The following ARHGEF12 variants were observed in gnomAD, a reference collection of about 807,000 sequenced individuals.
ARHGEF12 encodes the protein Rho guanine nucleotide exchange factor 12.
In ARHGEF12, 66 loss-of-function variants were observed where a neutral mutation model predicts 211.2. The ratio of observed to expected loss-of-function variants is 0.31; its 90% CI spans 0.26 to 0.38. The LOEUF (loss-of-function observed/expected upper bound fraction) is 0.38, where lower values mean the gene tolerates loss of function less well. Among genes scored for constraint, ARHGEF12 ranks in the 10% least tolerant of loss-of-function variants. ARHGEF12 has a pLI of 1.00. For missense variants in ARHGEF12, 1,429 were observed against 1,869.5 expected, an observed-to-expected ratio of 0.76 and a Z score of 4.34; for synonymous variants, 592 against 638.4, an observed-to-expected ratio of 0.93 and a Z score of 1.09.
In ARHGEF12 at chr11:120,457,754, AAAGT is replaced by A; in HGVS notation, c.2225+5_2225+8del. The A allele has an allele frequency of 6.2e-7, 1 of 1,608,790 alleles. No homozygotes were observed. Among genetic ancestry groups the A allele is most frequent in the Non-Finnish European group, 8.5e-7 (1 of 1,177,732 alleles). The stretch of plus-strand genomic sequence containing the variant: ...AACATGGGACACCAAAGCCCTTTCG[AAAGT>A]AAGTAAATCTTAAGCAGCTTTCAAT... On this transcript the variant is annotated splice_donor_variant and coding_sequence_variant, in exon 24 of 41. Transcript: ENST00000397843. LOFTEE classifies it high-confidence loss of function.
chr11:120,445,637 G>A (rs1427532835), intron 16 of ARHGEF12, among the ~76,000 whole-genome samples, 173 bp downstream of exon 16: 1 of 152,170 alleles, frequency 6.6e-6, no homozygotes, highest in Non-Finnish European at 1.5e-5. Context: ...AGTGGCTCAC[G>A]CCTGTAATCC....
chr11:120,469,170 A>G (rs1325674327), intron 29 of ARHGEF12, 118 bp from the exon 30 acceptor site: 4 of 762,552 alleles, frequency 5.2e-6, no homozygotes, highest in Non-Finnish European at 8.2e-6. Flanking sequence ...TGGTACAAAA[A>G]TCTTCAAGGT....
chr11:120,403,792 G>T (rs10892570), intron 1 of ARHGEF12, among the ~76,000 whole-genome samples: 70,569 of 151,988 alleles, frequency 0.46, 17,348 homozygotes, highest in African/African-American at 0.63. Flanking sequence ...ACATAATATC[G>T]ATCCAAAAGA....
At chr11:120,346,303 T>A (rs1396019566) in intron 1 of ARHGEF12, among the ~76,000 whole-genome samples, 1 of 152,246 alleles carries the variant, frequency 6.6e-6, no homozygotes, top group East Asian at 1.9e-4. Flanking sequence ...CAGCTGTGGA[T>A]TGACTGCAGC....
chr11:120,363,106 TA>T (rs1297928171), intron 1 of ARHGEF12, among the ~76,000 whole-genome samples: 2 of 151,480 alleles, frequency 1.3e-5, no homozygotes, highest in African/African-American at 4.8e-5. Flanking sequence ...TCTCAAAAAA[TA>T]AAAAAAGAAA....
intron 40 of ARHGEF12, 85 bp from the exon 41 acceptor site, chr11:120,484,982 C>T (rs1195150182): frequency 1.0e-5 from 14 of 1,404,782 alleles, no homozygotes; most frequent in East Asian, 2.4e-5. Flanking sequence ...GATTGAACCA[C>T]GCCCACAGAT....
intron 30 of ARHGEF12, among the ~76,000 whole-genome samples, chr11:120,472,660 A>G (rs1946902268): frequency 6.8e-6 from 1 of 146,082 alleles, no homozygotes; most frequent in South Asian, 2.2e-4. Context: ...TAAAATGGAG[A>G]TTTTTTTTTT....
At chr11:120,361,535 A>G (rs1479396941) in intron 1 of ARHGEF12, among the ~76,000 whole-genome samples, 1 of 152,218 alleles carries the variant, frequency 6.6e-6, no homozygotes, top group Non-Finnish European at 1.5e-5. Flanking sequence ...ACATCTGGAA[A>G]TGGAGAAGGG....
At chr11:120,472,574 T>C (rs1395065644) in intron 30 of ARHGEF12, among the ~76,000 whole-genome samples, 13 of 152,042 alleles carry the variant, frequency 8.6e-5, no homozygotes, top group Non-Finnish European at 1.9e-4. Flanking sequence ...GGAGGAAAAC[T>C]AGGAGAGTAT....
intron 1 of ARHGEF12, among the ~76,000 whole-genome samples, chr11:120,402,669 C>A (rs972158545): frequency 1.3e-5 from 2 of 152,056 alleles, no homozygotes; most frequent in African/African-American, 4.8e-5. Context: ...ATCTAACACC[C>A]TAGAGGAGAG....
At chr11:120,434,714 T>C (rs1257425384) in intron 11 of ARHGEF12, among the ~76,000 whole-genome samples, 1 of 152,202 alleles carries the variant, frequency 6.6e-6, no homozygotes, top group Non-Finnish European at 1.5e-5. Flanking sequence ...TGATACCCAG[T>C]TCTCACAAGA....
intron 12 of ARHGEF12, among the ~76,000 whole-genome samples, chr11:120,437,678 C>T (rs1454801101): frequency 2.0e-5 from 3 of 152,060 alleles, no homozygotes; most frequent in Non-Finnish European, 2.9e-5. Flanking sequence ...ACCATCACTG[C>T]CAACCATCTT....
At chr11:120,424,066 C>T (rs867603051) in intron 6 of ARHGEF12, among the ~76,000 whole-genome samples, 20 of 151,926 alleles carry the variant, frequency 1.3e-4, no homozygotes, top group African/African-American at 2.4e-5. Flanking sequence ...AGCCCTTCAC[C>T]GTGAACGATT....
intron 27 of ARHGEF12, 42 bp downstream of exon 27, chr11:120,460,799 C>A: frequency 6.6e-7 from 1 of 1,513,928 alleles, no homozygotes; most frequent in South Asian, 1.1e-5. Flanking sequence ...TTTATGGACA[C>A]TTGATGGTTA....
chr11:120,355,722 T>C (rs996675339), intron 1 of ARHGEF12, among the ~76,000 whole-genome samples: 1 of 152,064 alleles, frequency 6.6e-6, no homozygotes, highest in Non-Finnish European at 1.5e-5. Flanking sequence ...AAATAAAAAA[T>C]AAAAAAACCC....
intron 39 of ARHGEF12, among the ~76,000 whole-genome samples, chr11:120,482,520 C>T (rs911586463): frequency 2.1e-4 from 32 of 152,062 alleles, no homozygotes; most frequent in African/African-American, 3.1e-4. Context: ...GCAAGGCAGG[C>T]GGATCACGAG....
At chr11:120,343,048 A>G (rs1286602471) in intron 1 of ARHGEF12, among the ~76,000 whole-genome samples, 3 of 139,526 alleles carry the variant, frequency 2.2e-5, no homozygotes, top group Admixed American at 7.1e-5. Flanking sequence ...GTGAAATAAC[A>G]ATGCTTAGCA....
At chr11:120,377,445 A>G (rs1943757975) in intron 1 of ARHGEF12, among the ~76,000 whole-genome samples, 1 of 151,612 alleles carries the variant, frequency 6.6e-6, no homozygotes, top group African/African-American at 2.4e-5. Flanking sequence ...GGCTCAAGTG[A>G]TCCTCCCACC....
intron 22 of ARHGEF12, among the ~76,000 whole-genome samples, chr11:120,456,552 A>G (rs1246013987): frequency 6.6e-6 from 1 of 152,216 alleles, no homozygotes; most frequent in Non-Finnish European, 1.5e-5. Flanking sequence ...GGACCACTGT[A>G]ATAACTCACA....
Sources: gnomAD v4.1 joint callset for allele counts (sites outside exome capture counted in the v4.1 genomes callset) on GRCh38, gnomAD v4.1.1 for gene constraint, MANE v1.5 for transcripts, NCBI Gene and HGNC (gene_info 2026-07-23, HGNC 2026-07-21) for gene names.